The following SGCD variants were observed in gnomAD, a reference collection of about 807,000 sequenced individuals.
SGCD encodes sarcoglycan delta, also known as delta-sarcoglycan.
A neutral mutation model predicts 36.6 loss-of-function variants in SGCD; 18 were observed. The observed-to-expected ratio is 0.49, with a 90% confidence interval of 0.34 to 0.73. SGCD has a LOEUF of 0.73. SGCD is among the 30% of genes least tolerant of loss of function. The pLI is 0.01. For missense variants in SGCD, 387 were observed against 346.7 expected (o/e 1.12, Z -0.92); for synonymous variants, 133 against 130.6 (o/e 1.02, Z -0.12).
chr5:155,753,380 G>C, the SGCD span, among the ~76,000 whole-genome samples: 1 of 151,744 alleles, frequency 6.6e-6, no homozygotes, highest in Admixed American at 6.6e-5. Flanking sequence ...AACTAGCTCT[G>C]TTTGTTTTGT....
At chr5:156,486,002 A>G (rs1755640528) in intron 3 of SGCD, among the ~76,000 whole-genome samples, 1 of 152,126 alleles carries the variant, frequency 6.6e-6, no homozygotes, top group Admixed American at 6.5e-5. Flanking sequence ...GAGAGATACC[A>G]TGCAACAGCA....
chr5:155,846,116 C>T, the SGCD span, among the ~76,000 whole-genome samples: 2 of 152,174 alleles, frequency 1.3e-5, no homozygotes, highest in African/African-American at 2.4e-5. Flanking sequence ...CAAAAAATGA[C>T]TAGAACTTTC....
upstream of SGCD, among the ~76,000 whole-genome samples, chr5:155,866,607 G>A (rs139642247): frequency 8.0e-3 from 1,217 of 152,242 alleles, 18 homozygotes; most frequent in African/African-American, 0.028. Context: ...AATGACTACA[G>A]CTACAACTGC....
chr5:156,757,935 G>C lies in SGCD; in HGVS notation c.699+231G>C, dbSNP rs980883090. ...GCAGAGATAATGGCATGTATTCCAA[G>C]TACAGAATTATATGACCATGAAAAT... is the stretch of plus-strand genomic sequence containing the variant. On this transcript the variant is annotated intron_variant, in intron 8 of 8. Coordinates refer to ENST00000337851, the MANE Select transcript of SGCD (RefSeq NM_000337.6). 2.3e-6 allele frequency: 3 copies of C among 1,285,626 alleles called. No individual in the cohort carries two copies. In the African/African-American group the frequency reaches 4.6e-5, roughly 20 times the overall value. The allele number at this position is 1,285,626 out of a possible 1,614,324, so 79.6% of individuals were successfully genotyped here.
chr5:156,306,527 G>A (rs1767217597), intron 3 of SGCD, among the ~76,000 whole-genome samples: 1 of 152,182 alleles, frequency 6.6e-6, no homozygotes, highest in Non-Finnish European at 1.5e-5. Flanking sequence ...TAATATAGTA[G>A]TGCTGTTTTC....
intron 7 of SGCD, among the ~76,000 whole-genome samples, chr5:156,755,374 A>G (rs866944182): frequency 5.9e-5 from 9 of 152,334 alleles, no homozygotes; most frequent in Middle Eastern, 6.8e-3. Context: ...CATTAGTGGA[A>G]ACAGAAGCAG....
the SGCD span, among the ~76,000 whole-genome samples, chr5:155,835,196 C>G: frequency 6.6e-6 from 1 of 151,604 alleles, no homozygotes; most frequent in African/African-American, 2.4e-5. Flanking sequence ...TTAGTAGAGA[C>G]AGGGTTTTGC....
chr5:156,335,376 C>T (rs1487923329), intron 2 of SGCD, among the ~76,000 whole-genome samples: 1 of 152,216 alleles, frequency 6.6e-6, no homozygotes, highest in Non-Finnish European at 1.5e-5. Flanking sequence ...AATCTGGTTT[C>T]TCAGGACTTG....
intron 7 of SGCD, among the ~76,000 whole-genome samples, chr5:156,740,950 T>C (rs1372622492): frequency 6.6e-6 from 1 of 152,220 alleles, no homozygotes; most frequent in Non-Finnish European, 1.5e-5. Flanking sequence ...GTTATTTCCC[T>C]TTCAGTCATA....
chr5:156,479,907 C>T (rs1162669514), intron 3 of SGCD, among the ~76,000 whole-genome samples: 1 of 152,196 alleles, frequency 6.6e-6, no homozygotes, highest in Admixed American at 6.5e-5. Flanking sequence ...CCGCTTTGAC[C>T]TGAATATATG....
the SGCD span, among the ~76,000 whole-genome samples, chr5:155,819,744 A>G: frequency 6.6e-6 from 1 of 152,180 alleles, no homozygotes; most frequent in Admixed American, 6.5e-5. Flanking sequence ...GGAGAGAAAC[A>G]TCTGTAGAGC....
chr5:156,289,497 C>G (rs1461560184), intron 3 of SGCD, among the ~76,000 whole-genome samples: 1 of 151,924 alleles, frequency 6.6e-6, no homozygotes, highest in Non-Finnish European at 1.5e-5. Flanking sequence ...GTGTTGCTCC[C>G]CTCTCTGTGT....
chr5:156,049,262 G>A (rs1358422771), intron 1 of SGCD, among the ~76,000 whole-genome samples: 1 of 146,180 alleles, frequency 6.8e-6, no homozygotes, highest in Non-Finnish European at 1.5e-5. Context: ...GTAGTGTGAT[G>A]CCTCCAGCTT....
intron 3 of SGCD, among the ~76,000 whole-genome samples, chr5:156,394,830 G>A (rs1318697572): frequency 1.3e-5 from 2 of 152,162 alleles, no homozygotes; most frequent in African/African-American, 4.8e-5. Flanking sequence ...AAAGTTGATA[G>A]CAAAAGAGGG....
rs150239696 is a variant in SGCD at position 156,024,294 on chromosome 5, G to A, written c.-281-93584G>A. 5.0e-4 allele frequency among the ~76,000 whole-genome samples: 76 copies of A among 151,484 alleles called. 1 individual carries two copies. The East Asian group carries it at 0.014, about 28-fold the overall frequency. ...GGAGGAAGAAAATAGAGTGTAAATTGAAAATGTGGCTTATCTTGTATGACG... is the reference window on the plus strand; with the variant it reads ...GGAGGAAGAAAATAGAGTGTAAATTAAAAATGTGGCTTATCTTGTATGACG... On this transcript the variant is annotated intron_variant, in intron 1 of 9. Coordinates refer to the SGCD transcript ENST00000517913.
In SGCD at chr5:156,162,434, C is replaced by T. The variant is rs1049730570; in HGVS notation, c.-44+38415C>T. ...TGATGGAGGTTGTTCTGCAGTGTGG[C>T]GTGAGGTCTTAATAGTGTGTGCAGC... On this transcript the variant is annotated intron_variant, in intron 3 of 9. Transcript: ENST00000517913. Among the ~76,000 whole-genome samples the T allele has an allele frequency of 1.2e-4, 18 of 151,390 alleles. 1 individual carries two copies. The highest frequency in any genetic ancestry group is 3.4e-4 in the African/African-American group (14 of 40,770).
chr5:156,133,926 CACACACACACA>C (rs1762389189), intron 3 of SGCD, among the ~76,000 whole-genome samples: 2 of 114,938 alleles, frequency 1.7e-5, no homozygotes, highest in Non-Finnish European at 4.2e-5. Flanking sequence ...CACACACACA[CACACACACACA>C]CACACACACA....
the SGCD span, among the ~76,000 whole-genome samples, chr5:155,816,622 A>G: frequency 9.5e-4 from 145 of 152,268 alleles, no homozygotes; most frequent in African/African-American, 3.3e-3. Flanking sequence ...AGTTTTGGGT[A>G]TAGTGATAGT....
the SGCD span, among the ~76,000 whole-genome samples, chr5:155,738,800 T>G: frequency 5.9e-4 from 87 of 147,408 alleles, no homozygotes; most frequent in African/African-American, 2.2e-3. Flanking sequence ...GTGCATGTAG[T>G]GTGTGTAAGA....
Sources: allele counts gnomAD v4.1 joint callset (sites outside exome capture counted in the v4.1 genomes callset), GRCh38; gene constraint gnomAD v4.1.1; transcripts MANE v1.5; gene names NCBI Gene and HGNC (gene_info 2026-07-23, HGNC 2026-07-21).